Variants in SEC31B observed in about 807,000 individuals in gnomAD.
The protein encoded by SEC31B is protein transport protein Sec31B.
Under a neutral mutation model 135.0 loss-of-function variants are expected in SEC31B, and 113 were observed. The ratio of observed to expected loss-of-function variants is 0.84; its 90% CI spans 0.72 to 0.98. The LOEUF (loss-of-function observed/expected upper bound fraction) is 0.98. SEC31B is among the 50% of genes least tolerant of loss of function. The pLI is 0.00. For synonymous variants in SEC31B, 508 were observed against 549.4 expected, an observed-to-expected ratio of 0.92 and a Z score of 1.05; for missense variants, 1,296 against 1,421.1, an observed-to-expected ratio of 0.91 and a Z score of 1.42.
chr10:100,494,187 G>A (rs1386502748), intron 19 of SEC31B, among the ~76,000 whole-genome samples: 1 of 151,892 alleles, frequency 6.6e-6, no homozygotes, highest in African/African-American at 2.4e-5. Context: ...AATCCCCCCG[G>A]GCACTTTGGC....
In SEC31B at chr10:100,506,069, C is replaced by A. The variant is rs145266572; in HGVS notation, c.1015G>T (p.Glu339Ter). Residue 339 changes from glutamate (E) to a stop codon, truncating the protein, a stop_gained, in exon 9 of 26, where the codon GAA (glutamate) becomes TAA (stop). Coordinates refer to ENST00000370345, the MANE Select transcript of SEC31B (RefSeq NM_015490.4). LOFTEE classifies it high-confidence loss of function. The part of the protein sequence containing the change: ...SLYSVMGRSW[E>*]VQHMRQADKI... ...TCAGCCTGTCTCATATGCTGGACTT[C>A]CCAGCTCCTACCCATCACAGAGTAC... is the stretch of plus-strand genomic sequence containing the variant. 1.2e-5 allele frequency: 19 copies of A among 1,614,108 alleles called. No individual in the cohort carries two copies. In the African/African-American group the frequency reaches 2.0e-4, roughly 17 times the overall value.
rs773946652 is a variant in SEC31B, at chr10:100,490,271, G to A, written c.2702C>T (p.Pro901Leu). The A allele has an allele frequency of 8.7e-6, 14 of 1,613,806 alleles. No individual in the cohort carries two copies. The highest frequency in any genetic ancestry group is 1.7e-5 in the Admixed American group (1 of 59,976). Residue 901 changes from proline to leucine, a missense_variant, in exon 21 of 26, where the codon CCG (proline) becomes CTG (leucine). By Grantham distance (98) the Pro-to-Leu change is moderately conservative. Transcript: ENST00000370345. Reference sequence around the variant, plus strand: ...AGGCCATGTCCCAGGGAATCCCACCGGGTTAGGAACTTGCACCCTTTGCCC... The same window carrying A: ...AGGCCATGTCCCAGGGAATCCCACCAGGTTAGGAACTTGCACCCTTTGCCC... ...LGGQRVQVPN[P>L]VGFPGTWPLP...
rs561647646 is a variant in SEC31B at position 100,494,951 on chromosome 10, G to C, written c.2472+434C>G. On this transcript the variant is annotated intron_variant, in intron 19 of 25. Coordinates refer to ENST00000370345, the MANE Select transcript of SEC31B (RefSeq NM_015490.4). ...AGTGATACTCCTGCCTCAGCCTCCC[G>C]AGTAGCTGGGACTACAGGCACGTGC... 3.1e-4 allele frequency: 62 copies of C among 200,178 alleles called. No homozygotes were observed. In the South Asian group the frequency reaches 4.9e-3, roughly 16 times the overall value. The allele number at this position is 200,178 out of a possible 1,614,324, so 12.4% of individuals were successfully genotyped here.
At chr10:100,517,524 G>A (rs1851872100) in intron 1 of SEC31B, among the ~76,000 whole-genome samples, 1 of 152,130 alleles carries the variant, frequency 6.6e-6, no homozygotes, top group African/African-American at 2.4e-5. Flanking sequence ...ACCATGCCTG[G>A]CTAATTTTTG....
chr10:100,499,683 G>T, intron 11 of SEC31B, 85 bp from the exon 12 acceptor site: 1 of 961,086 alleles, frequency 1.0e-6, no homozygotes, highest in Non-Finnish European at 1.6e-6. Context: ...ATCTGTGCCA[G>T]TATACCCAAT....
In SEC31B at chr10:100,487,781, G is replaced by C. The variant is rs373541876; in HGVS notation, c.3375C>G (p.Val1125=). Residue 1125 remains valine, a synonymous_variant, in exon 26 of 26, where the codon GTC becomes GTG. Transcript: ENST00000370345. ...GGGCAACCTCATGGAGCCCAGCCACGACATGAGGTGAGAGCTGTGGAGGGA... is the reference window on the plus strand; with the variant it reads ...GGGCAACCTCATGGAGCCCAGCCACCACATGAGGTGAGAGCTGTGGAGGGA... ...KLCEGTLSPH[V]VAGLHEVARC... The C allele has an allele frequency of 1.2e-6, 2 of 1,614,000 alleles. No individual in the cohort carries two copies.
At chr10:100,489,125 G>A (rs1000095580) in intron 23 of SEC31B, 127 bp downstream of exon 23, 7 of 1,446,066 alleles carry the variant, frequency 4.8e-6, no homozygotes, top group Non-Finnish European at 6.4e-6. Context: ...CTGCAGTAAG[G>A]ACACCTGGTA....
Position 100,495,516 on chromosome 10 carries a change from A to G in SEC31B, c.2341T>C (p.Phe781Leu). ...AAGACAGCAGAACCTTGAGCATGAA[A>G]AAGCCGATCTCTTAGCTGCTGAACT... Reference protein sequence around the residue: ...PPVQQLRDRLFHAQGSAVLGQ... With the variant: ...PPVQQLRDRLLHAQGSAVLGQ... Residue 781 changes from phenylalanine to leucine, a missense_variant, in exon 19 of 26, where the codon TTT becomes CTT. Physicochemically the swap from Phe to Leu is conservative, Grantham distance 22 (BLOSUM62 0). Transcript: ENST00000370345. 1 of 1,613,974 alleles carries G rather than the reference A, an allele frequency of 6.2e-7. No individual in the cohort carries two copies. The highest frequency in any genetic ancestry group is 8.5e-7 in the Non-Finnish European group (1 of 1,179,988).
Position 100,488,824 on chromosome 10 carries a change from C to T in SEC31B, c.3288+34G>A, listed in dbSNP as rs1589729018. On this transcript the variant is annotated intron_variant, in intron 24 of 25. Coordinates refer to ENST00000370345, the MANE Select transcript of SEC31B (RefSeq NM_015490.4). ...GGGGTCCTGGAGCCAGCGAGGGGTG[C>T]GAGGAGGGCACTGTGAAGAAGGTTC... The T allele has an allele frequency of 7.1e-6, 11 of 1,542,454 alleles. No homozygotes were observed. The East Asian group carries it at 1.8e-4, about 26-fold the overall frequency.
At chr10:100,503,935 A>G (rs969728236) in intron 10 of SEC31B, among the ~76,000 whole-genome samples, 8 of 152,252 alleles carry the variant, frequency 5.3e-5, no homozygotes, top group African/African-American at 1.9e-4. Context: ...GAACTCTCCC[A>G]GTCAGAATTC....
intron 5 of SEC31B, chr10:100,508,321 C>A (rs1007467706): frequency 3.6e-6 from 2 of 547,966 alleles, no homozygotes; most frequent in Admixed American, 2.9e-5. Context: ...TTTTAAAAAA[C>A]AGCCCTCTTG....
At chr10:100,502,952 A>G (rs756903750) in intron 10 of SEC31B, among the ~76,000 whole-genome samples, 4 of 152,096 alleles carry the variant, frequency 2.6e-5, no homozygotes, top group Non-Finnish European at 4.4e-5. Flanking sequence ...ATTAAGCCTT[A>G]GACTATCCCT....
chr10:100,487,445 G>A lies in SEC31B; in HGVS notation c.*171C>T, dbSNP rs909261138. On this transcript the variant is annotated 3_prime_UTR_variant, in exon 26 of 26. Transcript: ENST00000370345. ...ATCCTAGAAGGCCAGACATAAAGGA[G>A]TAAAAAGCAGGCACTCAGCTGGTTT... The A allele has an allele frequency of 9.3e-6, 6 of 642,836 alleles. No homozygotes were observed. The African/African-American group carries it at 1.1e-4, about 12-fold the overall frequency. The allele number at this position is 642,836 out of a possible 1,614,324, so 39.8% of individuals were successfully genotyped here. A position where few individuals can be genotyped will look rare whatever the true frequency, so the allele number is the denominator to read the frequency against.
At chr10:100,492,718 T>C (rs1409228838) in intron 19 of SEC31B, among the ~76,000 whole-genome samples, 2 of 152,172 alleles carry the variant, frequency 1.3e-5, no homozygotes, top group East Asian at 1.9e-4. Flanking sequence ...AGTCACAGGA[T>C]ATAACCAGAT....
rs1851201303 is a variant in SEC31B at position 100,487,438 on chromosome 10, T to C, written c.*178A>G. ...TGGACAGATCCTAGAAGGCCAGACATAAAGGAGTAAAAAGCAGGCACTCAG... is the reference window on the plus strand; with the variant it reads ...TGGACAGATCCTAGAAGGCCAGACACAAAGGAGTAAAAAGCAGGCACTCAG... On this transcript the variant is annotated 3_prime_UTR_variant, in exon 26 of 26. Coordinates refer to ENST00000370345, the MANE Select transcript of SEC31B (RefSeq NM_015490.4). 5 of 622,018 alleles carry C rather than the reference T, an allele frequency of 8.0e-6. No individual in the cohort carries two copies. Among genetic ancestry groups the C allele is most frequent in the Non-Finnish European group, 2.8e-6 (1 of 358,176 alleles). The allele number at this position is 622,018 out of a possible 1,614,324, so 38.5% of individuals were successfully genotyped here. A position where few individuals can be genotyped will look rare whatever the true frequency, so the allele number is the denominator to read the frequency against.
Position 100,490,893 on chromosome 10 carries a change from G to C in SEC31B, c.2473-10C>G. The C allele has an allele frequency of 7.1e-7, 1 of 1,401,592 alleles. No individual in the cohort carries two copies. The allele number at this position is 1,401,592 out of a possible 1,614,324, so 86.8% of individuals were successfully genotyped here. A position where few individuals can be genotyped will look rare whatever the true frequency, so the allele number is the denominator to read the frequency against. ...GAGATGGAGTTGGGACCTATGAAGAGAAAAAAACATCAGCTCTTGGAAAGG... is the reference window on the plus strand; with the variant it reads ...GAGATGGAGTTGGGACCTATGAAGACAAAAAAACATCAGCTCTTGGAAAGG... On this transcript the variant is annotated splice_polypyrimidine_tract_variant and intron_variant, in intron 19 of 25. Transcript: ENST00000370345.
intron 1 of SEC31B, among the ~76,000 whole-genome samples, chr10:100,518,674 G>T (rs1851891622): frequency 2.0e-5 from 3 of 152,182 alleles, no homozygotes; most frequent in Non-Finnish European, 2.9e-5. Flanking sequence ...AGGTAGAAAT[G>T]ATTTTTAAAA....
intron 3 of SEC31B, among the ~76,000 whole-genome samples, chr10:100,509,994 A>G (rs1851710287): frequency 1.3e-5 from 2 of 152,148 alleles, no homozygotes. Flanking sequence ...TATTATTTCC[A>G]TTTTCAATTG....
chr10:100,518,619 A>C (rs1256218100), intron 1 of SEC31B, among the ~76,000 whole-genome samples: 1 of 152,190 alleles, frequency 6.6e-6, no homozygotes, highest in Non-Finnish European at 1.5e-5. Flanking sequence ...TTTCTGATCT[A>C]ATTCCAATGT....
Sources: allele counts gnomAD v4.1 joint callset (sites outside exome capture counted in the v4.1 genomes callset), GRCh38; gene constraint gnomAD v4.1.1; transcripts MANE v1.5; gene names NCBI Gene and HGNC (gene_info 2026-07-23, HGNC 2026-07-21).